Variants in VWA3B observed in about 807,000 individuals in gnomAD.
VWA3B encodes von Willebrand factor A domain-containing protein 3B.
In VWA3B, 138 loss-of-function variants were observed where a neutral mutation model predicts 158.3. The ratio of observed to expected loss-of-function variants is 0.87; its 90% confidence interval spans 0.76 to 1.00. The LOEUF (loss-of-function observed/expected upper bound fraction) is 1.00, where lower values mean the gene tolerates loss of function less well. Among genes scored for constraint, VWA3B ranks in the 50% least tolerant of loss-of-function variants. The pLI, the probability that VWA3B is intolerant of heterozygous loss-of-function variation, is 0.00. For synonymous variants in VWA3B, 596 were observed against 587.3 expected, an observed-to-expected ratio of 1.01 and a Z score of -0.21; for missense variants, 1,555 against 1,565.1, an observed-to-expected ratio of 0.99 and a Z score of 0.11.
chr2:98,121,524 A>G, intron 5 of VWA3B, 66 bp downstream of exon 5: 1 of 1,577,074 alleles, frequency 6.3e-7, no homozygotes, highest in Non-Finnish European at 8.6e-7. Flanking sequence ...CTTCACACTC[A>G]GTGACTTTAC....
chr2:98,117,776 G>A (rs1033261161), intron 3 of VWA3B, among the ~76,000 whole-genome samples: 13 of 129,930 alleles, frequency 1.0e-4, no homozygotes, highest in African/African-American at 3.6e-4. Flanking sequence ...TTTTGATGGA[G>A]TTTCACTCTG....
intron 6 of VWA3B, among the ~76,000 whole-genome samples, chr2:98,132,500 A>G (rs146686702): frequency 2.6e-5 from 4 of 152,352 alleles, no homozygotes; most frequent in Non-Finnish European, 4.4e-5. Flanking sequence ...GTCCAAGCAC[A>G]GCGCTGTGCT....
intron 8 of VWA3B, among the ~76,000 whole-genome samples, chr2:98,180,118 GTC>G (rs1218511852): frequency 1.2e-5 from 1 of 83,056 alleles, no homozygotes; most frequent in African/African-American, 4.7e-5. Context: ...TCTTTCTTCT[GTC>G]TCTCTCCTCC....
intron 19 of VWA3B, among the ~76,000 whole-genome samples, chr2:98,245,943 C>G (rs1488417465): frequency 6.6e-6 from 1 of 152,098 alleles, no homozygotes. Flanking sequence ...CTGTCTGGTT[C>G]CTTCTCTTTG....
intron 8 of VWA3B, chr2:98,179,140 G>A: frequency 2.2e-6 from 1 of 461,796 alleles, no homozygotes; most frequent in South Asian, 1.6e-5. Context: ...CCAGCATGGA[G>A]TTGGGAGATG....
intron 5 of VWA3B, among the ~76,000 whole-genome samples, chr2:98,124,014 A>G (rs1041837054): frequency 2.0e-5 from 3 of 152,198 alleles, no homozygotes. Flanking sequence ...TCTTTTAATC[A>G]TATTTCCTGG....
At chr2:98,106,015 A>T (rs1321015602) in intron 2 of VWA3B, among the ~76,000 whole-genome samples, 12 of 151,962 alleles carry the variant, frequency 7.9e-5, no homozygotes, top group Non-Finnish European at 5.9e-5. Flanking sequence ...TCCCAGGTTC[A>T]CGCCATTCTC....
chr2:98,306,353 G>GC (rs1690525315), intron 26 of VWA3B, among the ~76,000 whole-genome samples: 1 of 152,116 alleles, frequency 6.6e-6, no homozygotes, highest in East Asian at 1.9e-4. Flanking sequence ...CTCACAGAAT[G>GC]CCCCCAATGA....
intron 9 of VWA3B, among the ~76,000 whole-genome samples, chr2:98,183,522 T>A (rs78085734): frequency 0.03 from 4,521 of 152,262 alleles, 215 homozygotes; most frequent in African/African-American, 0.1. Flanking sequence ...GCATTTCTAA[T>A]AAGGGAATTT....
intron 7 of VWA3B, among the ~76,000 whole-genome samples, chr2:98,140,916 C>A (rs1214848712): frequency 6.6e-6 from 1 of 152,196 alleles, no homozygotes; most frequent in Non-Finnish European, 1.5e-5. Context: ...GCCTTGGGGT[C>A]TCAGTTTCCC....
At chr2:98,186,775 A>G (rs2105381911) in intron 9 of VWA3B, among the ~76,000 whole-genome samples, 1 of 152,202 alleles carries the variant, frequency 6.6e-6, no homozygotes, top group African/African-American at 2.4e-5. Flanking sequence ...TCGGCCGTCC[A>G]GTCTGCTTTA....
chr2:98,266,798 C>G (rs1687865519), intron 21 of VWA3B, among the ~76,000 whole-genome samples: 2 of 138,580 alleles, frequency 1.4e-5, no homozygotes, highest in African/African-American at 5.5e-5. Flanking sequence ...ATTTTATTCT[C>G]TTTGAAGCAA....
At chr2:98,213,185 G>C (rs557283991) in intron 13 of VWA3B, among the ~76,000 whole-genome samples, 1 of 152,324 alleles carries the variant, frequency 6.6e-6, no homozygotes, top group East Asian at 1.9e-4. Flanking sequence ...GAAATATGTG[G>C]GGGGCTCAGA....
At chr2:98,224,780 CTA>C (rs1483426387) in intron 14 of VWA3B, among the ~76,000 whole-genome samples, 3 of 148,374 alleles carry the variant, frequency 2.0e-5, no homozygotes, top group African/African-American at 7.4e-5. Flanking sequence ...CACAACCAAA[CTA>C]TGTGCTGCTT....
At chr2:98,241,371 G>C (rs1318739659) in intron 19 of VWA3B, among the ~76,000 whole-genome samples, 1 of 152,020 alleles carries the variant, frequency 6.6e-6, no homozygotes, top group African/African-American at 2.4e-5. Flanking sequence ...TGTTAGCAGA[G>C]GAGAAATTAA....
intron 19 of VWA3B, among the ~76,000 whole-genome samples, chr2:98,247,531 C>T (rs1218811678): frequency 2.0e-5 from 3 of 152,026 alleles, no homozygotes; most frequent in East Asian, 3.8e-4. Context: ...ATCTAAAAAG[C>T]ATCTTTAGTT....
At chr2:98,098,732 C>G (rs776974917) in intron 2 of VWA3B, among the ~76,000 whole-genome samples, 1 of 152,058 alleles carries the variant, frequency 6.6e-6, no homozygotes, top group African/African-American at 2.4e-5. Context: ...TAAGTAAGAA[C>G]TTACTGCTGC....
chr2:98,139,692 G>T (rs1328126668), intron 7 of VWA3B, among the ~76,000 whole-genome samples: 1 of 152,050 alleles, frequency 6.6e-6, no homozygotes. Context: ...TAGTGGGGAC[G>T]TGGAGAACCT....
At chr2:98,177,575 T>TC (rs1205326226) in intron 8 of VWA3B, among the ~76,000 whole-genome samples, 3 of 151,960 alleles carry the variant, frequency 2.0e-5, no homozygotes, top group Admixed American at 1.3e-4. Context: ...TTTTTTTTTT[T>TC]CTCCTTTCTT....
Sources: gnomAD v4.1 joint callset for allele counts (sites outside exome capture counted in the v4.1 genomes callset) on GRCh38, gnomAD v4.1.1 for gene constraint, MANE v1.5 for transcripts, NCBI Gene and HGNC (gene_info 2026-07-23, HGNC 2026-07-21) for gene names.